The following EXOC6B variants were observed in gnomAD, a reference collection of about 807,000 sequenced individuals.
EXOC6B encodes the protein exocyst complex component 6B.
Under a neutral mutation model 113.5 loss-of-function variants are expected in EXOC6B, and 54 were observed. The observed-to-expected ratio is 0.48, with a 90% CI of 0.38 to 0.60. EXOC6B has a LOEUF of 0.60. EXOC6B is among the 20% of genes least tolerant of loss of function. The pLI, the probability that EXOC6B is intolerant of heterozygous loss-of-function variation, is 0.00. For missense variants in EXOC6B, 797 were observed against 977.5 expected (o/e 0.82, Z 2.46); for synonymous variants, 357 against 339.0 (o/e 1.05, Z -0.58).
intron 20 of EXOC6B, among the ~76,000 whole-genome samples, chr2:72,269,888 A>AT: frequency 6.6e-6 from 1 of 152,288 alleles, no homozygotes; most frequent in African/African-American, 2.4e-5. Flanking sequence ...TTGAGGAAGC[A>AT]TTTTTCAAGA....
chr2:72,549,816 TAAG>T (rs1026105858), intron 8 of EXOC6B, among the ~76,000 whole-genome samples: 12 of 152,016 alleles, frequency 7.9e-5, no homozygotes, highest in Non-Finnish European at 1.6e-4. Context: ...TGAAGGACAC[TAAG>T]AAGAAGAAAA....
intron 15 of EXOC6B, among the ~76,000 whole-genome samples, chr2:72,493,550 C>G (rs1046828859): frequency 1.1e-4 from 17 of 151,392 alleles, no homozygotes; most frequent in Non-Finnish European, 2.5e-4. Flanking sequence ...TGTTCTTTAT[C>G]GCCTGAATTC....
chr2:72,317,564 C>T, intron 20 of EXOC6B, among the ~76,000 whole-genome samples: 2 of 144,224 alleles, frequency 1.4e-5, no homozygotes, highest in Admixed American at 1.4e-4. Flanking sequence ...ACACATCACA[C>T]ACACACACAC....
intron 20 of EXOC6B, among the ~76,000 whole-genome samples, 187 bp downstream of exon 20, chr2:72,334,760 C>T (rs1382106126): frequency 7.5e-6 from 1 of 133,424 alleles, no homozygotes; most frequent in African/African-American, 2.7e-5. Context: ...AAACCTTTAA[C>T]TCCACCATAG....
At chr2:72,641,366 G>A (rs1215886035) in intron 6 of EXOC6B, among the ~76,000 whole-genome samples, 2 of 152,210 alleles carry the variant, frequency 1.3e-5, no homozygotes, top group Non-Finnish European at 2.9e-5. Flanking sequence ...CCCAAATACT[G>A]TGCTTTTCCA....
intron 7 of EXOC6B, among the ~76,000 whole-genome samples, chr2:72,574,889 A>C (rs1349585815): frequency 2.0e-5 from 3 of 152,228 alleles, no homozygotes; most frequent in African/African-American, 7.2e-5. Context: ...ACAAAGAAAG[A>C]TAGAAAAATA....
chr2:72,823,459 G>GAAAAAAGAAAA (rs1686693497), intron 1 of EXOC6B, among the ~76,000 whole-genome samples: 3 of 70,024 alleles, frequency 4.3e-5, no homozygotes, highest in African/African-American at 2.4e-4. Flanking sequence ...AAAGTTTTAA[G>GAAAAAAGAAAA]AAAAAAAAAA....
intron 18 of EXOC6B, among the ~76,000 whole-genome samples, chr2:72,403,699 C>G (rs1693506313): frequency 6.6e-6 from 1 of 152,090 alleles, no homozygotes; most frequent in Admixed American, 6.6e-5. Flanking sequence ...GAGCAAGACC[C>G]TGTCCTTAAA....
intron 18 of EXOC6B, among the ~76,000 whole-genome samples, chr2:72,401,512 T>A (rs180939435): frequency 2.4e-5 from 1 of 41,290 alleles, no homozygotes; most frequent in Non-Finnish European, 3.6e-5. Context: ...TATATATATA[T>A]ATACATATAT....
intron 19 of EXOC6B, among the ~76,000 whole-genome samples, chr2:72,351,685 T>A (rs890792416): frequency 2.6e-5 from 4 of 152,196 alleles, no homozygotes; most frequent in Non-Finnish European, 5.9e-5. Flanking sequence ...TCCTGTTTTT[T>A]ATCTGGCAAC....
intron 18 of EXOC6B, among the ~76,000 whole-genome samples, chr2:72,412,454 A>G (rs1305003053): frequency 6.6e-6 from 1 of 152,190 alleles, no homozygotes; most frequent in Non-Finnish European, 1.5e-5. Context: ...TCTAGGTGCT[A>G]GAAAAGACCT....
chr2:72,816,753 T>C (rs577516648), intron 1 of EXOC6B, among the ~76,000 whole-genome samples: 110 of 152,366 alleles, frequency 7.2e-4, no homozygotes, highest in Admixed American at 2.1e-3. Context: ...CAGGAATACT[T>C]AGCAAATGCT....
chr2:72,512,094 T>C (rs1451011397), intron 11 of EXOC6B, among the ~76,000 whole-genome samples: 1 of 152,120 alleles, frequency 6.6e-6, no homozygotes, highest in Non-Finnish European at 1.5e-5. Flanking sequence ...GACTCATTGA[T>C]ATTCTAATCT....
intron 16 of EXOC6B, among the ~76,000 whole-genome samples, chr2:72,481,179 G>C (rs1699066512): frequency 6.6e-6 from 1 of 152,140 alleles, no homozygotes; most frequent in African/African-American, 2.4e-5. Flanking sequence ...CTTCCACCAT[G>C]ATTATAAGTT....
chr2:72,613,784 C>G (rs536507898), intron 6 of EXOC6B, among the ~76,000 whole-genome samples: 1 of 151,518 alleles, frequency 6.6e-6, no homozygotes, highest in South Asian at 2.1e-4. Context: ...ATTAGAGGAT[C>G]GTGGAGAAAA....
intron 18 of EXOC6B, among the ~76,000 whole-genome samples, chr2:72,433,026 A>G (rs373969232): frequency 1.2e-4 from 19 of 152,082 alleles, no homozygotes; most frequent in African/African-American, 3.9e-4. Flanking sequence ...TTTCTTCTAC[A>G]GTTTTTATGA....
intron 6 of EXOC6B, among the ~76,000 whole-genome samples, chr2:72,663,015 G>A (rs1253361871): frequency 6.6e-5 from 10 of 152,012 alleles, no homozygotes; most frequent in South Asian, 2.1e-4. Flanking sequence ...CACCCCACCC[G>A]GCCTAGCCAT....
At chr2:72,695,168 A>G (rs1343088990) in intron 6 of EXOC6B, among the ~76,000 whole-genome samples, 1 of 152,226 alleles carries the variant, frequency 6.6e-6, no homozygotes, top group African/African-American at 2.4e-5. Context: ...CTCTGGCTAC[A>G]TGGAAGAAGA....
intron 6 of EXOC6B, among the ~76,000 whole-genome samples, chr2:72,618,373 A>AAAAAG (rs965541013): frequency 2.6e-5 from 4 of 152,276 alleles, no homozygotes; most frequent in East Asian, 3.9e-4. Flanking sequence ...CCATCTCAAA[A>AAAAAG]AAAAGAAAAG....
Sources: gnomAD v4.1 joint callset for allele counts (sites outside exome capture counted in the v4.1 genomes callset) on GRCh38, gnomAD v4.1.1 for gene constraint, MANE v1.5 for transcripts, NCBI Gene and HGNC (gene_info 2026-07-23, HGNC 2026-07-21) for gene names.